The following DSCAM variants were observed in gnomAD, a reference collection of about 807,000 sequenced individuals.
The protein encoded by DSCAM is cell adhesion molecule DSCAM.
DSCAM carries 47 observed loss-of-function variants against 217.7 expected under a neutral mutation model. The ratio of observed to expected loss-of-function variants is 0.22; its 90% CI spans 0.17 to 0.28. The LOEUF is 0.28. DSCAM is among the 10% of genes least tolerant of loss of function. The probability of loss-of-function intolerance (pLI) is 1.00; values close to 1 mark genes in which losing one functional copy is unlikely to be tolerated. For missense variants in DSCAM, 2,080 were observed against 2,618.3 expected, an observed-to-expected ratio of 0.79 and a Z score of 4.49; for synonymous variants, 1,056 against 1,015.3, an observed-to-expected ratio of 1.04 and a Z score of -0.76.
rs908640180 is a variant in DSCAM at position 40,012,282 on chromosome 21, T to G, written c.*752A>C. The G allele has an allele frequency of 2.0e-5, 3 of 152,014 alleles. No homozygotes were observed. Among genetic ancestry groups the G allele is most frequent in the Non-Finnish European group, 4.4e-5 (3 of 68,022 alleles). The allele number at this position is 152,014 out of a possible 1,614,324, so 9.4% of individuals were successfully genotyped here. ...GTGCTTCCTGGAGATTCCTGAGGAGTTCAGGGTGTTAGTATCGACTCTGGT... is the reference window on the plus strand; with the variant it reads ...GTGCTTCCTGGAGATTCCTGAGGAGGTCAGGGTGTTAGTATCGACTCTGGT... On this transcript the variant is annotated 3_prime_UTR_variant, in exon 33 of 33. Coordinates refer to ENST00000400454, the MANE Select transcript of DSCAM (RefSeq NM_001389.5).
intron 10 of DSCAM, among the ~76,000 whole-genome samples, chr21:40,287,266 T>C (rs1224848737): frequency 1.3e-5 from 2 of 152,260 alleles, no homozygotes; most frequent in Non-Finnish European, 2.9e-5. Context: ...CTCTCTTGAC[T>C]GCTGAGGAAG....
chr21:40,124,243 G>A lies in DSCAM; in HGVS notation c.3648C>T (p.Asn1216=), dbSNP rs201137339. The A allele has an allele frequency of 1.8e-4, 298 of 1,614,002 alleles. No homozygotes were observed. In the African/African-American group the frequency reaches 3.1e-3, roughly 17 times the overall value. The change falls in exon 20 of 33, where the codon AAC becomes AAT. Residue 1216 remains asparagine (N), a synonymous_variant. Transcript: ENST00000400454. ...ATACAGTGTACTTTCGGATGATGCC[G>A]TTCAGCTTGAGAGGGGGAAGCCAGG... The part of the protein sequence containing the change: ...FVSWLPPLKL[N]GIIRKYTVFC...
chr21:40,833,080 C>T (rs2092025083), intron 1 of DSCAM, among the ~76,000 whole-genome samples: 1 of 152,062 alleles, frequency 6.6e-6, no homozygotes, highest in African/African-American at 2.4e-5. Flanking sequence ...CCATCACATA[C>T]ACAAGAGGCA....
chr21:40,278,428 A>G (rs2073717431), intron 10 of DSCAM, among the ~76,000 whole-genome samples: 1 of 152,154 alleles, frequency 6.6e-6, no homozygotes, highest in Non-Finnish European at 1.5e-5. Flanking sequence ...AAATAGCATG[A>G]TTGTGTTTCA....
intron 1 of DSCAM, among the ~76,000 whole-genome samples, chr21:40,790,180 C>CTTTTTTTTT (rs771986567): frequency 1.6e-5 from 2 of 125,396 alleles, no homozygotes; most frequent in South Asian, 2.6e-4. Flanking sequence ...TTCTTTCTTT[C>CTTTTTTTTT]TTTTTTTTTT....
chr21:40,324,371 A>G (rs2123534733), intron 8 of DSCAM, among the ~76,000 whole-genome samples: 1 of 152,242 alleles, frequency 6.6e-6, no homozygotes, highest in South Asian at 2.1e-4. Context: ...GGGGCGTAAA[A>G]GAGTAAAACA....
chr21:40,197,908 G>A (rs1017717930), intron 11 of DSCAM, among the ~76,000 whole-genome samples: 3 of 152,158 alleles, frequency 2.0e-5, no homozygotes, highest in Admixed American at 2.0e-4. Flanking sequence ...GATTCCAAGT[G>A]CAAAGCCTCT....
At chr21:40,126,273 A>G (rs1568954122) in intron 19 of DSCAM, among the ~76,000 whole-genome samples, 1 of 151,842 alleles carries the variant, frequency 6.6e-6, no homozygotes, top group East Asian at 1.9e-4. Context: ...AAGAAAAAAG[A>G]AAGGAAGGAA....
intron 20 of DSCAM, among the ~76,000 whole-genome samples, chr21:40,102,602 G>A (rs982203436): frequency 2.0e-5 from 3 of 152,172 alleles, no homozygotes; most frequent in Admixed American, 1.3e-4. Flanking sequence ...TTGCCTTGTG[G>A]TGTTGATATA....
At chr21:40,555,075 A>T (rs1157412425) in intron 3 of DSCAM, among the ~76,000 whole-genome samples, 1 of 152,224 alleles carries the variant, frequency 6.6e-6, no homozygotes, top group East Asian at 1.9e-4. Flanking sequence ...ATATTTCAAA[A>T]ATCTTTATAG....
intron 16 of DSCAM, among the ~76,000 whole-genome samples, chr21:40,163,919 G>GT (rs1301453061): frequency 1.3e-5 from 2 of 152,144 alleles, no homozygotes; most frequent in Non-Finnish European, 2.9e-5. Context: ...TTGGAAACAC[G>GT]TAATGCTTCA....
chr21:40,616,873 C>T (rs1601791603), intron 3 of DSCAM, among the ~76,000 whole-genome samples: 3 of 151,406 alleles, frequency 2.0e-5, no homozygotes, highest in South Asian at 2.1e-4. Context: ...AAAAATTAGC[C>T]GGGCGTAGTG....
intron 3 of DSCAM, among the ~76,000 whole-genome samples, chr21:40,589,885 T>G (rs1476431782): frequency 1.3e-5 from 2 of 152,198 alleles, no homozygotes; most frequent in Non-Finnish European, 2.9e-5. Flanking sequence ...TAGCCAAAAA[T>G]TATGTACAAA....
At chr21:40,050,487 C>CTTATT (rs1555871441) in intron 30 of DSCAM, among the ~76,000 whole-genome samples, 2 of 146,788 alleles carry the variant, frequency 1.4e-5, no homozygotes, top group Non-Finnish European at 3.0e-5. Flanking sequence ...GCCCTTGAAT[C>CTTATT]TTTTTTTTTT....
chr21:40,327,446 A>C (rs2074329987), intron 8 of DSCAM, among the ~76,000 whole-genome samples: 3 of 152,084 alleles, frequency 2.0e-5, no homozygotes, highest in Non-Finnish European at 4.4e-5. Flanking sequence ...CCTTTTTGGT[A>C]GTGTCTTAGG....
At chr21:40,205,082 T>G (rs1235985841) in intron 11 of DSCAM, among the ~76,000 whole-genome samples, 1 of 152,216 alleles carries the variant, frequency 6.6e-6, no homozygotes, top group African/African-American at 2.4e-5. Flanking sequence ...CAGGAGGTAT[T>G]TTATGACCCA....
At chr21:40,815,209 A>G (rs775662243) in intron 1 of DSCAM, among the ~76,000 whole-genome samples, 1 of 152,078 alleles carries the variant, frequency 6.6e-6, no homozygotes. Context: ...GTGTTTGTAC[A>G]TGATGAAGGG....
chr21:40,345,617 T>C (rs1315626270), intron 6 of DSCAM, among the ~76,000 whole-genome samples: 1 of 152,242 alleles, frequency 6.6e-6, no homozygotes, highest in Non-Finnish European at 1.5e-5. Flanking sequence ...AGATTCTCCA[T>C]TGTATCTATC....
intron 1 of DSCAM, among the ~76,000 whole-genome samples, chr21:40,742,556 T>C (rs1161059812): frequency 5.3e-5 from 8 of 152,232 alleles, no homozygotes; most frequent in East Asian, 1.9e-4. Flanking sequence ...TAAATGTATG[T>C]TGTTTTAAGC....
Sources: allele counts gnomAD v4.1 joint callset (sites outside exome capture counted in the v4.1 genomes callset), GRCh38; gene constraint gnomAD v4.1.1; transcripts MANE v1.5; gene names NCBI Gene and HGNC (gene_info 2026-07-23, HGNC 2026-07-21).